PARD3B: variants seen among roughly 807,000 people sequenced by gnomAD.
PARD3B encodes partitioning defective 3 homolog B.
PARD3B carries 103 observed loss-of-function variants against 130.2 expected under a neutral mutation model. The observed-to-expected ratio is 0.79, with a 90% CI of 0.67 to 0.93. The LOEUF is 0.93. PARD3B is among the 40% of genes least tolerant of loss of function. The probability of loss-of-function intolerance (pLI) is 0.00; values close to 1 mark genes in which losing one functional copy is unlikely to be tolerated. For missense variants in PARD3B, 1,609 were observed against 1,499.2 expected (o/e 1.07, Z -1.21); for synonymous variants, 583 against 553.2 (o/e 1.05, Z -0.76).
At chr2:204,702,863 A>G (rs1004942624) in intron 2 of PARD3B, among the ~76,000 whole-genome samples, 35 of 152,208 alleles carry the variant, frequency 2.3e-4, no homozygotes, top group African/African-American at 7.7e-4. Context: ...GGCGTGAGCC[A>G]CCATGCCTGG....
chr2:205,287,342 C>G lies in PARD3B; in HGVS notation c.2186-13188C>G, dbSNP rs13429832. Among the ~76,000 whole-genome samples the G allele has an allele frequency of 0.01, 1,552 of 152,292 alleles. 26 individuals carry two copies. Among genetic ancestry groups the G allele is most frequent in the African/African-American group, 0.035 (1,439 of 41,552 alleles). On this transcript the variant is annotated intron_variant, in intron 16 of 22. Coordinates refer to ENST00000406610, the MANE Select transcript of PARD3B (RefSeq NM_001302769.2). This position sits in a 1 kb window ranked among gnomAD's most constrained non-coding sequence, Gnocchi z 4.8. ...ACTAAAATGTTCAGAGGAACATCCA[C>G]AAAGAAATGTAGCTGCACCCAGGGT...
chr2:205,521,134 G>A (rs1438305089), intron 21 of PARD3B, among the ~76,000 whole-genome samples: 3 of 151,436 alleles, frequency 2.0e-5, no homozygotes, highest in Non-Finnish European at 4.4e-5. Flanking sequence ...AATACTAATG[G>A]TCTGTTTTAT....
At chr2:205,529,673 G>A (rs1291530188) in intron 21 of PARD3B, among the ~76,000 whole-genome samples, 1 of 152,040 alleles carries the variant, frequency 6.6e-6, no homozygotes, top group Non-Finnish European at 1.5e-5. Flanking sequence ...TAGCTTTTTG[G>A]ACATGCCATT....
chr2:205,430,263 A>C (rs963113219), intron 19 of PARD3B, among the ~76,000 whole-genome samples: 5 of 152,158 alleles, frequency 3.3e-5, no homozygotes, highest in African/African-American at 1.2e-4. Context: ...TAGTTGAAAG[A>C]AAGCTGTGTA....
intron 15 of PARD3B, among the ~76,000 whole-genome samples, chr2:205,213,668 T>C (rs558315706): frequency 2.0e-5 from 3 of 152,192 alleles, no homozygotes; most frequent in South Asian, 4.1e-4. Flanking sequence ...AGTAGGAAAA[T>C]AGAATGAGGA....
At chr2:205,328,451 T>C (rs563873427) in intron 18 of PARD3B, among the ~76,000 whole-genome samples, 4 of 152,160 alleles carry the variant, frequency 2.6e-5, no homozygotes, top group African/African-American at 9.7e-5. Flanking sequence ...TAATGGTTTT[T>C]ATAAGTAAAT....
chr2:205,557,434 C>A (rs1015731265), intron 22 of PARD3B, among the ~76,000 whole-genome samples: 3 of 152,176 alleles, frequency 2.0e-5, no homozygotes, highest in African/African-American at 7.2e-5. Context: ...AGGCATTCAA[C>A]GTTAGCCCCT....
chr2:204,576,405 T>C (rs1036252299), intron 1 of PARD3B, among the ~76,000 whole-genome samples: 1 of 152,174 alleles, frequency 6.6e-6, no homozygotes, highest in Non-Finnish European at 1.5e-5. Flanking sequence ...CTTATGGCAG[T>C]ATCTGTTTTG....
At chr2:205,612,168 CT>C (rs2055254963) in intron 22 of PARD3B, among the ~76,000 whole-genome samples, 2 of 152,316 alleles carry the variant, frequency 1.3e-5, no homozygotes, top group South Asian at 4.1e-4. Flanking sequence ...CAAAATTCTT[CT>C]TGAGACAGAG....
At chr2:205,020,555 A>G (rs574640869) in intron 3 of PARD3B, among the ~76,000 whole-genome samples, 15 of 152,238 alleles carry the variant, frequency 9.9e-5, no homozygotes, top group Admixed American at 9.2e-4. Context: ...CCCTCTTATA[A>G]ATTCATTAAT....
Position 205,118,945 on chromosome 2 carries a change from C to T in PARD3B, c.705C>T (p.Gly235=). The T allele has an allele frequency of 6.2e-7, 1 of 1,605,760 alleles. No homozygotes were observed. Among genetic ancestry groups the T allele is most frequent in the Non-Finnish European group, 8.5e-7 (1 of 1,176,476 alleles). ...SGRILGLFIR[G]IEDNSRSKRE... ...GGATTCTAGGACTCTTCATCCGAGGCATTGAAGACAACAGCAGGTCCAAGC... is the reference window on the plus strand; with the variant it reads ...GGATTCTAGGACTCTTCATCCGAGGTATTGAAGACAACAGCAGGTCCAAGC... The change falls in exon 7 of 23, where the codon GGC becomes GGT. Residue 235 remains glycine (G), a synonymous_variant. Transcript: ENST00000406610.
intron 22 of PARD3B, among the ~76,000 whole-genome samples, chr2:205,581,257 T>TGTAGATATAGATAGATATAG (rs2053957684): frequency 8.3e-6 from 1 of 120,928 alleles, no homozygotes; most frequent in East Asian, 2.2e-4. Context: ...TATAGATATA[T>TGTAGATATAGATAGATATAG]ATAGATATAG....
At chr2:205,424,029 A>G (rs961899834) in intron 19 of PARD3B, among the ~76,000 whole-genome samples, 17 of 152,196 alleles carry the variant, frequency 1.1e-4, no homozygotes, top group Admixed American at 6.5e-5. Context: ...ACAAAGGCCC[A>G]TAACACAGAT....
chr2:204,750,033 A>G (rs547473966), intron 2 of PARD3B, among the ~76,000 whole-genome samples: 2 of 152,346 alleles, frequency 1.3e-5, no homozygotes, highest in South Asian at 2.1e-4. Context: ...AAGCTTTGAT[A>G]TGGAACTGAT....
At chr2:204,889,319 CT>C (rs2046368669) in intron 2 of PARD3B, among the ~76,000 whole-genome samples, 2 of 152,154 alleles carry the variant, frequency 1.3e-5, no homozygotes, top group South Asian at 2.1e-4. Flanking sequence ...ACACAAATAG[CT>C]TTTATAGAGA....
chr2:204,679,244 C>A (rs575395407), intron 1 of PARD3B, among the ~76,000 whole-genome samples: 2 of 152,074 alleles, frequency 1.3e-5, no homozygotes, highest in Non-Finnish European at 2.9e-5. Context: ...AAAAATAATC[C>A]TGCTATGAAT....
chr2:205,026,738 A>C (rs930397859), intron 3 of PARD3B, among the ~76,000 whole-genome samples: 4 of 152,164 alleles, frequency 2.6e-5, no homozygotes, highest in African/African-American at 7.2e-5. Flanking sequence ...TCTATGATTT[A>C]AACTGTTTTA....
At position 205,619,334 on chromosome 2, in the gene PARD3B, G is replaced by A. The variant is rs1254437447; in HGVS notation, c.*3521G>A. The A allele has an allele frequency of 1.3e-5, 2 of 152,220 alleles. No individual in the cohort carries two copies. The highest frequency in any genetic ancestry group is 1.5e-5 in the Non-Finnish European group (1 of 68,044). The allele number at this position is 152,220 out of a possible 1,614,324, so 9.4% of individuals were successfully genotyped here. A position where few individuals can be genotyped will look rare whatever the true frequency, so the allele number is the denominator to read the frequency against. ...TTTGGAGGAACATTGTAGCATTTCA[G>A]GAGGGTCGAGAGATCTAAAGAGTTT... On this transcript the variant is annotated 3_prime_UTR_variant, in exon 23 of 23. Transcript: ENST00000406610.
At chr2:205,363,335 G>A (rs1026152307) in intron 18 of PARD3B, among the ~76,000 whole-genome samples, 1 of 152,170 alleles carries the variant, frequency 6.6e-6, no homozygotes, top group African/African-American at 2.4e-5. Flanking sequence ...GTAAGCAGTG[G>A]AGAGGAGAGG....
Sources: gnomAD v4.1 joint callset for allele counts (sites outside exome capture counted in the v4.1 genomes callset) on GRCh38, gnomAD v4.1.1 for gene constraint, Gnocchi (gnomAD v3.1) non-coding constraint, MANE v1.5 for transcripts, NCBI Gene and HGNC (gene_info 2026-07-23, HGNC 2026-07-21) for gene names.